The following MCPH1 variants were observed in gnomAD, a reference collection of about 807,000 sequenced individuals.
MCPH1 encodes the protein microcephalin.
Under a neutral mutation model 84.5 loss-of-function variants are expected in MCPH1, and 104 were observed. The observed-to-expected ratio is 1.23, with a 90% CI of 1.05 to 1.45. MCPH1 has a LOEUF of 1.45. Among genes scored for constraint, MCPH1 ranks in the 40% most tolerant of loss-of-function variants. The probability of loss-of-function intolerance (pLI) is 0.00; values close to 1 mark genes in which losing one functional copy is unlikely to be tolerated. For synonymous variants in MCPH1, 514 were observed against 366.8 expected (o/e 1.40, Z -4.58); for missense variants, 1,498 against 1,005.7 (o/e 1.49, Z -6.62).
intron 12 of MCPH1, among the ~76,000 whole-genome samples, chr8:6,504,769 G>T (rs376090607): frequency 4.6e-5 from 7 of 152,108 alleles, no homozygotes; most frequent in African/African-American, 1.4e-4. Context: ...TTTTATTATT[G>T]TTAAGTCTCT....
At chr8:6,567,988 C>T (rs996448514) in intron 12 of MCPH1, among the ~76,000 whole-genome samples, 3 of 152,172 alleles carry the variant, frequency 2.0e-5, no homozygotes, top group Non-Finnish European at 1.5e-5. Context: ...TTGTTTTCTC[C>T]CCCATATTCT....
intron 12 of MCPH1, among the ~76,000 whole-genome samples, chr8:6,573,352 CA>C (rs1826818945): frequency 1.3e-5 from 2 of 152,138 alleles, no homozygotes; most frequent in Admixed American, 6.5e-5. Context: ...ATATTAACAT[CA>C]GGCTCATGAT....
At chr8:6,562,864 T>C in intron 12 of MCPH1, 1 of 1,612,678 alleles carries the variant, frequency 6.2e-7, no homozygotes, top group Non-Finnish European at 8.5e-7. Flanking sequence ...GTCCATGCTC[T>C]TCCGAAAGTT....
chr8:6,486,229 A>G (rs943992811), intron 11 of MCPH1, among the ~76,000 whole-genome samples: 8 of 151,610 alleles, frequency 5.3e-5, no homozygotes, highest in Non-Finnish European at 8.8e-5. Context: ...TATCCATATC[A>G]TATATTATAT....
intron 11 of MCPH1, among the ~76,000 whole-genome samples, chr8:6,496,318 G>A (rs1245872612): frequency 6.6e-6 from 1 of 152,114 alleles, no homozygotes. Context: ...CTGACAGGAG[G>A]TGGAGCTCAG....
chr8:6,625,929 T>G, intron 13 of MCPH1: 1 of 984,422 alleles, frequency 1.0e-6, no homozygotes, highest in Non-Finnish European at 1.2e-6. Flanking sequence ...AGAAGTTTCT[T>G]TTCTTTTCCT....
At chr8:6,572,076 G>T (rs17554274) in intron 12 of MCPH1, among the ~76,000 whole-genome samples, 6,598 of 152,026 alleles carry the variant, frequency 0.043, 211 homozygotes, top group East Asian at 0.12. Flanking sequence ...CAAGTAAGGG[G>T]TCTAAAAGTC....
chr8:6,427,263 G>T (rs915616019), intron 3 of MCPH1, among the ~76,000 whole-genome samples: 1 of 152,180 alleles, frequency 6.6e-6, no homozygotes, highest in African/African-American at 2.4e-5. Context: ...AGTGGTGAGC[G>T]AATGTGAAGG....
intron 13 of MCPH1, 88 bp from the exon 14 acceptor site, chr8:6,642,906 T>A (rs1057115248): frequency 1.2e-5 from 15 of 1,233,406 alleles, no homozygotes; most frequent in Non-Finnish European, 1.7e-5. Flanking sequence ...TGTTTTTAAA[T>A]ATAGTTTCAT....
At position 6,643,758 on chromosome 8, in the gene MCPH1, G is replaced by C. The variant is rs1156356179; in HGVS notation, c.*709G>C. 6.8e-6 allele frequency: 1 copy of C among 147,692 alleles called. No homozygotes were observed. The highest frequency in any genetic ancestry group is 1.5e-5 in the Non-Finnish European group (1 of 65,478). The allele number at this position is 147,692 out of a possible 1,614,324, so 9.1% of individuals were successfully genotyped here. A position where few individuals can be genotyped will look rare whatever the true frequency, so the allele number is the denominator to read the frequency against. ...ATTAAGGTGACTTTTATCTAGCGGAGATTCCTCTCTTAAAGTAATGAAAGG... is the reference window on the plus strand; with the variant it reads ...ATTAAGGTGACTTTTATCTAGCGGACATTCCTCTCTTAAAGTAATGAAAGG... On this transcript the variant is annotated 3_prime_UTR_variant, in exon 14 of 14. Coordinates refer to ENST00000344683, the MANE Select transcript of MCPH1 (RefSeq NM_024596.5).
chr8:6,534,045 C>G (rs2959811), intron 12 of MCPH1, among the ~76,000 whole-genome samples: 3 of 151,774 alleles, frequency 2.0e-5, no homozygotes, highest in Non-Finnish European at 4.4e-5. Flanking sequence ...GCTCCCAGCT[C>G]CCTGCATGCC....
intron 12 of MCPH1, among the ~76,000 whole-genome samples, chr8:6,581,548 C>G (rs1361690994): frequency 6.6e-6 from 1 of 152,170 alleles, no homozygotes; most frequent in Non-Finnish European, 1.5e-5. Flanking sequence ...TAATACAGAA[C>G]AATATCTTCT....
chr8:6,608,956 A>T (rs984124904), intron 12 of MCPH1, among the ~76,000 whole-genome samples: 2 of 152,208 alleles, frequency 1.3e-5, no homozygotes, highest in Admixed American at 6.5e-5. Context: ...GAGAATGCAC[A>T]GCTAGGATGA....
intron 11 of MCPH1, among the ~76,000 whole-genome samples, chr8:6,485,703 C>G (rs2129560407): frequency 6.6e-6 from 1 of 152,086 alleles, no homozygotes; most frequent in East Asian, 1.9e-4. Context: ...TGGGAGATTG[C>G]GAAGGCTCAG....
chr8:6,609,930 A>G (rs61460337), intron 12 of MCPH1, among the ~76,000 whole-genome samples: 7,761 of 146,932 alleles, frequency 0.053, 672 homozygotes, highest in African/African-American at 0.18. Context: ...TTTTGTCTGG[A>G]TAAGTTCTTT....
chr8:6,605,154 C>A, intron 12 of MCPH1, among the ~76,000 whole-genome samples: 1 of 152,072 alleles, frequency 6.6e-6, no homozygotes, highest in East Asian at 1.9e-4. Flanking sequence ...TCTCCTGACA[C>A]CCAGCCCCGC....
intron 9 of MCPH1, among the ~76,000 whole-genome samples, chr8:6,460,562 CCTAT>C (rs966997869): frequency 1.3e-5 from 2 of 152,068 alleles, no homozygotes; most frequent in African/African-American, 2.4e-5. Context: ...AATTATTAAT[CCTAT>C]CTTTTATTTA....
chr8:6,435,192 C>G (rs1018289348), intron 4 of MCPH1, among the ~76,000 whole-genome samples: 1 of 152,090 alleles, frequency 6.6e-6, no homozygotes, highest in African/African-American at 2.4e-5. Flanking sequence ...TGGTTCTTTT[C>G]TTTGGTAATT....
At chr8:6,546,224 C>G (rs1167555758) in intron 12 of MCPH1, among the ~76,000 whole-genome samples, 7 of 152,214 alleles carry the variant, frequency 4.6e-5, no homozygotes, top group African/African-American at 1.7e-4. Flanking sequence ...TTGCAGCAAA[C>G]AAATTGGAGT....
Sources: gnomAD v4.1 joint callset for allele counts (sites outside exome capture counted in the v4.1 genomes callset) on GRCh38, gnomAD v4.1.1 for gene constraint, MANE v1.5 for transcripts, NCBI Gene and HGNC (gene_info 2026-07-23, HGNC 2026-07-21) for gene names.